Variants in SDHB observed in about 807,000 individuals in gnomAD.
SDHB encodes succinate dehydrogenase complex iron sulfur subunit B, also known as succinate dehydrogenase [ubiquinone] iron-sulfur subunit, mitochondrial.
In SDHB, 21 loss-of-function variants were observed where a neutral mutation model predicts 39.7. The observed-to-expected ratio is 0.53, with a 90% CI of 0.37 to 0.76. The LOEUF is 0.76. SDHB is among the 30% of genes least tolerant of loss of function. The pLI is 0.00. For missense variants in SDHB, 343 were observed against 350.9 expected, an observed-to-expected ratio of 0.98 and a Z score of 0.18; for synonymous variants, 118 against 117.0, an observed-to-expected ratio of 1.01 and a Z score of -0.06.
At chr1:17,027,705 G>C in intron 5 of SDHB, 44 bp downstream of exon 5, 1 of 1,153,752 alleles carries the variant, frequency 8.7e-7, no homozygotes, top group Non-Finnish European at 1.3e-6. Context: ...AATCATCTTT[G>C]CAATAAATTC....
chr1:17,036,713 AATATAAATATTT>A (rs2078051968), intron 2 of SDHB, among the ~76,000 whole-genome samples: 2 of 146,504 alleles, frequency 1.4e-5, no homozygotes, highest in South Asian at 2.1e-4. Context: ...TGAATATATA[AATATAAATATTT>A]ATATAAATAT....
chr1:17,049,806 G>A (rs74459968), intron 1 of SDHB, among the ~76,000 whole-genome samples: 23,100 of 151,246 alleles, frequency 0.15, 2,568 homozygotes, highest in African/African-American at 0.31. Flanking sequence ...TCACACGCCC[G>A]GCTAACTTTT....
At chr1:17,020,612 C>T (rs1340918380) in intron 7 of SDHB, among the ~76,000 whole-genome samples, 2 of 152,206 alleles carry the variant, frequency 1.3e-5, no homozygotes, top group African/African-American at 2.4e-5. Context: ...CAGCCAGGCC[C>T]CACCACTGAA....
chr1:17,022,315 G>A (rs2077966285), intron 7 of SDHB, among the ~76,000 whole-genome samples: 1 of 152,164 alleles, frequency 6.6e-6, no homozygotes, highest in African/African-American at 2.4e-5. Context: ...TCTGTTTCCT[G>A]GGAAGGTTGA....
intron 5 of SDHB, among the ~76,000 whole-genome samples, chr1:17,025,177 T>C (rs1222670034): frequency 9.2e-5 from 14 of 152,222 alleles, no homozygotes. Flanking sequence ...AATGGTTTTA[T>C]GGCGCATGGT....
At chr1:17,046,567 C>T (rs1262507420) in intron 1 of SDHB, among the ~76,000 whole-genome samples, 4 of 152,244 alleles carry the variant, frequency 2.6e-5, no homozygotes, top group East Asian at 1.9e-4. Flanking sequence ...GCTATCATCA[C>T]GAGTCTGCCT....
chr1:17,020,618 C>A (rs1485541670), intron 7 of SDHB, among the ~76,000 whole-genome samples: 1 of 152,228 alleles, frequency 6.6e-6, no homozygotes, highest in Non-Finnish European at 1.5e-5. Context: ...GGCCCCACCA[C>A]TGAAGATGCT....
chr1:17,031,476 C>T lies in SDHB; in HGVS notation c.286+1584G>A, dbSNP rs371930581. Among the ~76,000 whole-genome samples, 12 of 152,154 alleles carry T rather than the reference C, an allele frequency of 7.9e-5. No homozygotes were observed. The East Asian group carries it at 2.3e-3, about 29-fold the overall frequency. ...TTATGTTCTTGGTTCTGAAAGAGTCCTACAGGGAAAGGTTACTGAAAAGCA... is the reference window on the plus strand; with the variant it reads ...TTATGTTCTTGGTTCTGAAAGAGTCTTACAGGGAAAGGTTACTGAAAAGCA... On this transcript the variant is annotated intron_variant, in intron 3 of 7. Transcript: ENST00000375499.
In SDHB at chr1:17,028,640, T is replaced by C. The variant is rs772158627; in HGVS notation, c.383A>G (p.Tyr128Cys). The change falls in exon 4 of 8, where the codon TAC becomes TGC. Residue 128 changes from tyrosine (Y) to cysteine (C), a missense_variant. By Grantham distance (194) the Tyr-to-Cys change is radical. Coordinates refer to ENST00000375499, the MANE Select transcript of SDHB (RefSeq NM_003000.3). Reference protein sequence around the residue: ...DTNLNKVSKIYPLPHMYVIKD... With the variant: ...DTNLNKVSKICPLPHMYVIKD... ...TATCACATACATGTGTGGAAGAGGG[T>C]AGATTTTTGAGACCTTATTGAGGTT... 7 of 1,613,898 alleles carry C rather than the reference T, an allele frequency of 4.3e-6. No individual in the cohort carries two copies. Among genetic ancestry groups the C allele is most frequent in the East Asian group, 2.2e-5 (1 of 44,884 alleles).
At chr1:17,046,771 G>A (rs2078112390) in intron 1 of SDHB, among the ~76,000 whole-genome samples, 1 of 152,154 alleles carries the variant, frequency 6.6e-6, no homozygotes, top group Non-Finnish European at 1.5e-5. Context: ...AGGCTGGAGT[G>A]CAATGGTGCA....
intron 2 of SDHB, among the ~76,000 whole-genome samples, chr1:17,042,674 A>T (rs1361806367): frequency 6.6e-6 from 1 of 152,048 alleles, no homozygotes; most frequent in African/African-American, 2.4e-5. Flanking sequence ...GTTACTCAGG[A>T]GGATGAGGCA....
At position 17,019,651 on chromosome 1, in the gene SDHB, T is replaced by C. The variant is rs1570943022; in HGVS notation, c.766-693A>G. Among the ~76,000 whole-genome samples, 4 of 152,234 alleles carry C rather than the reference T, an allele frequency of 2.6e-5. No homozygotes were observed. The South Asian group carries it at 8.3e-4, about 32-fold the overall frequency. On this transcript the variant is annotated intron_variant, in intron 7 of 7. Coordinates refer to ENST00000375499, the MANE Select transcript of SDHB (RefSeq NM_003000.3). ...ACGTTAGTGAAGGTTCCCCTCATTTTAGAAGGATAAGTCTACCCCCCTAAA... is the reference window on the plus strand; with the variant it reads ...ACGTTAGTGAAGGTTCCCCTCATTTCAGAAGGATAAGTCTACCCCCCTAAA...
At chr1:17,040,933 C>T (rs1478060461) in intron 2 of SDHB, among the ~76,000 whole-genome samples, 3 of 152,054 alleles carry the variant, frequency 2.0e-5, no homozygotes, top group Non-Finnish European at 4.4e-5. Flanking sequence ...AGTTTAAGAC[C>T]AGCCTGCCAA....
chr1:17,033,147 T>G lies in SDHB; in HGVS notation c.201-2A>C, dbSNP rs878854574. The G allele has an allele frequency of 1.2e-6, 2 of 1,607,858 alleles. No homozygotes were observed. The highest frequency in any genetic ancestry group is 4.5e-5 in the East Asian group (2 of 44,874). On this transcript the variant is annotated splice_acceptor_variant, in intron 2 of 7. Transcript: ENST00000375499. LOFTEE classifies it high-confidence loss of function. The stretch of plus-strand genomic sequence containing the variant: ...GCATCCAATACCATGGGGCCACATC[T>G]AACAAAGAAAAATATCCAGTGGTAT...
intron 2 of SDHB, among the ~76,000 whole-genome samples, chr1:17,035,353 C>G (rs2078045385): frequency 6.6e-6 from 1 of 152,070 alleles, no homozygotes; most frequent in Non-Finnish European, 1.5e-5. Flanking sequence ...TCAGTTGTCC[C>G]AAATCACTGA....
chr1:17,052,405 G>C (rs1036270510), intron 1 of SDHB: 2 of 152,174 alleles, frequency 1.3e-5, no homozygotes, highest in Non-Finnish European at 2.9e-5. Flanking sequence ...CCACAAGGAA[G>C]GGGAGGCCTT....
intron 2 of SDHB, among the ~76,000 whole-genome samples, chr1:17,041,735 C>T (rs2078081223): frequency 6.6e-6 from 1 of 152,068 alleles, no homozygotes; most frequent in African/African-American, 2.4e-5. Flanking sequence ...TTATGTTTTT[C>T]TGAAAAGTGT....
At chr1:17,025,301 A>G (rs796499205) in intron 5 of SDHB, among the ~76,000 whole-genome samples, 56 of 152,354 alleles carry the variant, frequency 3.7e-4, no homozygotes, top group African/African-American at 1.3e-3. Context: ...ATATAAAAGC[A>G]TATTTACATT....
chr1:17,049,607 CTTTAAA>C (rs2101546798), intron 1 of SDHB, among the ~76,000 whole-genome samples: 1 of 134,276 alleles, frequency 7.4e-6, no homozygotes, highest in East Asian at 2.5e-4. Context: ...CCTAACCGGG[CTTTAAA>C]CAGAATCTGG....
Sources: allele counts gnomAD v4.1 joint callset (sites outside exome capture counted in the v4.1 genomes callset), GRCh38; gene constraint gnomAD v4.1.1; transcripts MANE v1.5; gene names NCBI Gene and HGNC (gene_info 2026-07-23, HGNC 2026-07-21).